Variants in PCDHGA9 observed in about 807,000 individuals in gnomAD.
PCDHGA9 encodes protocadherin gamma subfamily A, 9.
A neutral mutation model predicts 62.5 loss-of-function variants in PCDHGA9; 37 were observed. The observed-to-expected ratio is 0.59, with a 90% CI of 0.46 to 0.78. The LOEUF is 0.78. Ranked by LOEUF, PCDHGA9 falls within the 30% of genes least tolerant of loss-of-function variation. The probability of loss-of-function intolerance (pLI) is 0.00; values close to 1 mark genes in which losing one functional copy is unlikely to be tolerated. For synonymous variants in PCDHGA9, 459 were observed against 484.6 expected (o/e 0.95, Z 0.69); for missense variants, 1,138 against 1,166.2 (o/e 0.98, Z 0.35).
At chr5:141,407,621 T>C (rs993791058) in intron 1 of PCDHGA9, among the ~76,000 whole-genome samples, 1 of 152,202 alleles carries the variant, frequency 6.6e-6, no homozygotes, top group African/African-American at 2.4e-5. Flanking sequence ...GTTGACATTC[T>C]ATATCTCGTA....
rs1471863168 is a variant in PCDHGA9, at chr5:141,476,550, G to A, written c.2425-18257G>A. ...ACCCAGGAAATGAAATTGGAGATTA[G>A]CGAGGCCGTGGCTCCGGGGACGCGC... On this transcript the variant is annotated intron_variant, in intron 1 of 3. Transcript: ENST00000573521. The surrounding 1 kb of genome is among the most constrained non-coding windows in gnomAD (Gnocchi z 7.6). 1.2e-6 allele frequency: 2 copies of A among 1,614,110 alleles called. No individual in the cohort carries two copies. The highest frequency in any genetic ancestry group is 4.5e-5 in the East Asian group (2 of 44,884).
At position 141,405,339 on chromosome 5, in the gene PCDHGA9, A is replaced by G; in HGVS notation, c.2387A>G (p.Asp796Gly). ...AATGAGCCTTTGTGCGTCTCTGTTGATTCCAAGTTTCCTATAGAAGACACC... is the reference window on the plus strand; with the variant it reads ...AATGAGCCTTTGTGCGTCTCTGTTGGTTCCAAGTTTCCTATAGAAGACACC... ...EKNEPLCVSV[D>G]SKFPIEDTPL... The change falls in exon 1 of 4, where the codon GAT becomes GGT. Residue 796 changes from aspartate (D) to glycine (G), a missense_variant. Coordinates refer to ENST00000573521, the MANE Select transcript of PCDHGA9 (RefSeq NM_018921.3). The G allele has an allele frequency of 6.2e-7, 1 of 1,614,178 alleles. No homozygotes were observed. The highest frequency in any genetic ancestry group is 8.5e-7 in the Non-Finnish European group (1 of 1,180,026).
chr5:141,475,721 G>A (rs867365261), intron 1 of PCDHGA9, among the ~76,000 whole-genome samples: 1 of 152,248 alleles, frequency 6.6e-6, no homozygotes. Context: ...ACAGCCCCAA[G>A]GCTGGCTTTC....
intron 1 of PCDHGA9, among the ~76,000 whole-genome samples, chr5:141,451,724 A>G (rs2098722682): frequency 6.6e-6 from 1 of 152,170 alleles, no homozygotes; most frequent in Non-Finnish European, 1.5e-5. Context: ...TCTACTAAAA[A>G]TACAAAAATT....
intron 1 of PCDHGA9, chr5:141,428,501 C>A (rs970043746): frequency 8.4e-5 from 24 of 285,544 alleles, no homozygotes; most frequent in African/African-American, 3.9e-4. Context: ...TATGTTCCCT[C>A]GGATTCTAGA....
intron 1 of PCDHGA9, chr5:141,408,955 TA>T: frequency 2.5e-6 from 4 of 1,613,616 alleles, no homozygotes; most frequent in Non-Finnish European, 3.4e-6. Flanking sequence ...GAATTAGTCT[TA>T]GTGAAAATCT....
intron 1 of PCDHGA9, chr5:141,418,060 A>G (rs2096216821): frequency 1.2e-6 from 2 of 1,613,850 alleles, no homozygotes; most frequent in Admixed American, 1.7e-5. Flanking sequence ...GCGAGCTGCG[A>G]GTGAGCGCGG....
intron 1 of PCDHGA9, among the ~76,000 whole-genome samples, chr5:141,452,137 GT>G (rs2098734666): frequency 6.6e-6 from 1 of 152,044 alleles, no homozygotes; most frequent in Non-Finnish European, 1.5e-5. Flanking sequence ...TGGCTCATGT[GT>G]TTTTTCCAAT....
chr5:141,491,379 A>G lies in PCDHGA9; in HGVS notation c.2425-3428A>G, dbSNP rs140150079. 423 of 1,613,968 alleles carry G rather than the reference A, an allele frequency of 2.6e-4. No homozygotes were observed. Among genetic ancestry groups the G allele is most frequent in the Non-Finnish European group, 3.0e-4 (359 of 1,179,986 alleles). On this transcript the variant is annotated intron_variant, in intron 1 of 3. Transcript: ENST00000573521. The surrounding 1 kb of genome is among the most constrained non-coding windows in gnomAD (Gnocchi z 6.9). ...CCCTAGTCACCTTCACCTTTCTGTC[A>G]GCGAAGTGCCTTCAGGGAAACGCAG...
chr5:141,433,671 A>G (rs1376085577), intron 1 of PCDHGA9, among the ~76,000 whole-genome samples: 12 of 152,058 alleles, frequency 7.9e-5, no homozygotes, highest in Admixed American at 7.2e-4. Flanking sequence ...CCCCGTCTAT[A>G]CTAAAAAAAT....
rs548823035 is a variant in PCDHGA9 at position 141,499,447 on chromosome 5, C to T, written c.2483+4582C>T. ...AGAAAAAAAATTAAAAGGAAAACCA[C>T]CCATCATTTTACAATCTAGGGAGAA... On this transcript the variant is annotated intron_variant, in intron 2 of 3. Transcript: ENST00000573521. Among the ~76,000 whole-genome samples the T allele has an allele frequency of 3.8e-4, 58 of 152,250 alleles. 1 individual carries two copies. In the East Asian group the frequency reaches 9.1e-3, roughly 24 times the overall value.
chr5:141,427,481 C>G, intron 1 of PCDHGA9: 2 of 534,060 alleles, frequency 3.7e-6, no homozygotes, highest in Non-Finnish European at 7.2e-6. Flanking sequence ...CCAATAATGA[C>G]TATAAGCTTG....
chr5:141,491,291 C>A lies in PCDHGA9; in HGVS notation c.2425-3516C>A. The A allele has an allele frequency of 8.1e-6, 13 of 1,614,152 alleles. No individual in the cohort carries two copies. Among genetic ancestry groups the A allele is most frequent in the Non-Finnish European group, 1.1e-5 (13 of 1,179,974 alleles). On this transcript the variant is annotated intron_variant, in intron 1 of 3. Transcript: ENST00000573521. This position sits in a 1 kb window ranked among gnomAD's most constrained non-coding sequence, Gnocchi z 6.9. The stretch of plus-strand genomic sequence containing the variant: ...AAATCCAGTGACTTCCTCATACACC[C>A]TCCTGAGCGTTCAGACCTTACCCTT...
Position 141,432,400 on chromosome 5 carries a change from G to C in PCDHGA9, c.2424+27024G>C, listed in dbSNP as rs139153105. ...ACCCGCCCCTCAGCAGCAACGTGTC[G>C]TTGAGCCTGTTCGTGCTGGACCAGA... is the stretch of plus-strand genomic sequence containing the variant. On this transcript the variant is annotated intron_variant, in intron 1 of 3. Coordinates refer to ENST00000573521, the MANE Select transcript of PCDHGA9 (RefSeq NM_018921.3). This position sits in a 1 kb window ranked among gnomAD's most constrained non-coding sequence, Gnocchi z 6.0. 1.2e-6 allele frequency: 2 copies of C among 1,614,240 alleles called. No individual in the cohort carries two copies. Among genetic ancestry groups the C allele is most frequent in the South Asian group, 2.2e-5 (2 of 91,090 alleles).
chr5:141,505,925 C>T (rs1161562658), intron 3 of PCDHGA9, among the ~76,000 whole-genome samples: 4 of 152,140 alleles, frequency 2.6e-5, no homozygotes, highest in Admixed American at 1.3e-4. Context: ...CTGGGCCTGG[C>T]GCTTGGAAGC....
rs369551410 is a variant in PCDHGA9, at chr5:141,415,294, G to A, written c.2424+9918G>A. ...GGTAGCGGTGGCCGCGGTCTCCTGC[G>A]TCTTCCTGGCCTTCGTCATCGTGCT... On this transcript the variant is annotated intron_variant, in intron 1 of 3. Transcript: ENST00000573521. 10 of 1,614,050 alleles carry A rather than the reference G, an allele frequency of 6.2e-6. No homozygotes were observed. In the African/African-American group the frequency reaches 1.1e-4, roughly 17 times the overall value.
chr5:141,404,446 G>A lies in PCDHGA9; in HGVS notation c.1494G>A (p.Gly498=), dbSNP rs1211285523. 1.2e-6 allele frequency: 2 copies of A among 1,612,974 alleles called. No individual in the cohort carries two copies. Among genetic ancestry groups the A allele is most frequent in the East Asian group, 2.2e-5 (1 of 44,886 alleles). ...CCTTGGCAGAGGATACCATCCAAGG[G>A]TCTCCTCTCTCCACCTATGTCTCTA... ...IYSLAEDTIQ[G]SPLSTYVSIN... is the part of the protein sequence containing the mutation. Residue 498 remains glycine (G), a synonymous_variant, in exon 1 of 4, where the codon GGG becomes GGA. Coordinates refer to ENST00000573521, the MANE Select transcript of PCDHGA9 (RefSeq NM_018921.3).
intron 1 of PCDHGA9, among the ~76,000 whole-genome samples, chr5:141,456,940 G>A (rs1284610928): frequency 6.6e-6 from 1 of 152,138 alleles, no homozygotes; most frequent in Non-Finnish European, 1.5e-5. Context: ...TCCAGCCTGG[G>A]CAACAGAGCA....
intron 1 of PCDHGA9, chr5:141,418,002 G>A: frequency 1.9e-6 from 3 of 1,613,916 alleles, no homozygotes; most frequent in Non-Finnish European, 2.5e-6. Flanking sequence ...TCGGTGGTGG[G>A]GAACCTCGCT....
Sources: allele counts gnomAD v4.1 joint callset (sites outside exome capture counted in the v4.1 genomes callset), GRCh38; gene constraint gnomAD v4.1.1; non-coding constraint Gnocchi (gnomAD v3.1); transcripts MANE v1.5; gene names NCBI Gene and HGNC (gene_info 2026-07-23, HGNC 2026-07-21).